Variants in NEGR1 observed in about 807,000 individuals in gnomAD.
The protein encoded by NEGR1 is IgLON family member 4.
Under a neutral mutation model 40.9 loss-of-function variants are expected in NEGR1, and 10 were observed. The observed-to-expected ratio is 0.24, with a 90% confidence interval of 0.15 to 0.42. NEGR1 has a LOEUF of 0.42. NEGR1 is among the 10% of genes least tolerant of loss of function. The pLI is 1.00. For synonymous variants in NEGR1, 185 were observed against 166.8 expected (o/e 1.11, Z -0.84); for missense variants, 352 against 438.9 (o/e 0.80, Z 1.77).
At chr1:71,739,065 C>G (rs1412129495) in intron 3 of NEGR1, among the ~76,000 whole-genome samples, 1 of 151,806 alleles carries the variant, frequency 6.6e-6, no homozygotes, top group Non-Finnish European at 1.5e-5. Context: ...TTGCAATGTT[C>G]CTGGGTGTGT....
chr1:71,857,747 A>C (rs1330936009), intron 2 of NEGR1, among the ~76,000 whole-genome samples: 1 of 150,440 alleles, frequency 6.6e-6, no homozygotes, highest in Admixed American at 6.7e-5. Context: ...TGGTGCTTTT[A>C]TTATCTTTTG....
intron 3 of NEGR1, among the ~76,000 whole-genome samples, chr1:71,749,419 C>T (rs1655495573): frequency 6.6e-6 from 1 of 152,160 alleles, no homozygotes; most frequent in Non-Finnish European, 1.5e-5. Context: ...AATATCAGTA[C>T]ATCTTTGTGT....
intron 3 of NEGR1, among the ~76,000 whole-genome samples, chr1:71,746,758 G>A (rs936218453): frequency 2.5e-4 from 37 of 146,760 alleles, no homozygotes; most frequent in South Asian, 1.1e-3. Flanking sequence ...ACACACACGC[G>A]TACACACACA....
chr1:71,872,300 C>T (rs2101834121), intron 2 of NEGR1, among the ~76,000 whole-genome samples: 1 of 152,258 alleles, frequency 6.6e-6, no homozygotes, highest in East Asian at 1.9e-4. Flanking sequence ...AACTAACTTC[C>T]AGTCTTTAGT....
intron 6 of NEGR1, among the ~76,000 whole-genome samples, chr1:71,410,066 G>A (rs1449795142): frequency 1.3e-5 from 2 of 151,962 alleles, no homozygotes; most frequent in African/African-American, 4.8e-5. Flanking sequence ...ACTTAACAAA[G>A]ATATTACCAA....
intron 2 of NEGR1, among the ~76,000 whole-genome samples, chr1:71,869,975 G>C (rs1660230567): frequency 6.6e-6 from 1 of 151,626 alleles, no homozygotes; most frequent in East Asian, 1.9e-4. Context: ...CACCTCCCGG[G>C]TTCATGTGAT....
chr1:71,715,701 G>A (rs114923587), intron 3 of NEGR1, among the ~76,000 whole-genome samples: 2,025 of 152,264 alleles, frequency 0.013, 48 homozygotes, highest in African/African-American at 0.047. Context: ...AGCATAGCAA[G>A]AGTTGCCTTT....
chr1:71,945,554 T>C (rs545747897), intron 1 of NEGR1, among the ~76,000 whole-genome samples: 1 of 152,136 alleles, frequency 6.6e-6, no homozygotes, highest in Non-Finnish European at 1.5e-5. Flanking sequence ...CTAATTGTCA[T>C]ATGTAAAAGT....
chr1:71,638,568 G>A (rs1438081817), intron 4 of NEGR1, among the ~76,000 whole-genome samples: 2 of 152,054 alleles, frequency 1.3e-5, no homozygotes, highest in Non-Finnish European at 2.9e-5. Flanking sequence ...TGTAGTCTAT[G>A]CCAGGAACTA....
At chr1:72,092,019 G>A (rs1264608581) in intron 1 of NEGR1, among the ~76,000 whole-genome samples, 7 of 152,080 alleles carry the variant, frequency 4.6e-5, no homozygotes, top group Non-Finnish European at 1.0e-4. Context: ...ATCACAGTGA[G>A]GGTTAGGGAT....
chr1:72,043,230 G>T (rs1159524201), intron 1 of NEGR1, among the ~76,000 whole-genome samples: 1 of 151,724 alleles, frequency 6.6e-6, no homozygotes, highest in African/African-American at 2.4e-5. Context: ...TCTTCTCACG[G>T]AATTAGTAAT....
chr1:72,042,039 A>T (rs1461648764), intron 1 of NEGR1, among the ~76,000 whole-genome samples: 1 of 149,050 alleles, frequency 6.7e-6, no homozygotes, highest in African/African-American at 2.4e-5. Context: ...ATATATATAT[A>T]TATCTATTTG....
chr1:71,443,575 T>C (rs1646562412), intron 6 of NEGR1, among the ~76,000 whole-genome samples: 1 of 152,218 alleles, frequency 6.6e-6, no homozygotes, highest in Admixed American at 6.5e-5. Context: ...GATGCATGAA[T>C]GAATGAATGG....
At chr1:71,415,157 T>G (rs572800665) in intron 6 of NEGR1, among the ~76,000 whole-genome samples, 3 of 152,098 alleles carry the variant, frequency 2.0e-5, no homozygotes, top group Admixed American at 2.0e-4. Context: ...AAAAAAACAA[T>G]GTCTATCTTC....
At chr1:71,765,561 C>T (rs964321748) in intron 3 of NEGR1, among the ~76,000 whole-genome samples, 1 of 151,950 alleles carries the variant, frequency 6.6e-6, no homozygotes, top group Non-Finnish European at 1.5e-5. Flanking sequence ...ATTACTTTTG[C>T]ACCAATCTAA....
intron 3 of NEGR1, among the ~76,000 whole-genome samples, chr1:71,772,730 C>T (rs2125776): frequency 6.6e-6 from 1 of 151,592 alleles, no homozygotes; most frequent in Non-Finnish European, 1.5e-5. Context: ...AGATAAAAAA[C>T]ACCTAGAGAT....
intron 1 of NEGR1, among the ~76,000 whole-genome samples, chr1:72,241,368 G>T (rs1164769011): frequency 6.6e-6 from 1 of 151,410 alleles, no homozygotes; most frequent in Non-Finnish European, 1.5e-5. Context: ...GTCCACTATA[G>T]TTGCTAACAT....
chr1:72,040,577 CAAAAAAAAA>C (rs5775102), intron 1 of NEGR1, among the ~76,000 whole-genome samples: 6 of 29,704 alleles, frequency 2.0e-4, no homozygotes, highest in Admixed American at 6.3e-4. Context: ...GAGCACTGAC[CAAAAAAAAA>C]AAAAAAAAAA....
At position 71,439,469 on chromosome 1, in the gene NEGR1, C is replaced by T. The variant is rs148602327; in HGVS notation, c.941-31899G>A. Among the ~76,000 whole-genome samples, 256 of 152,246 alleles carry T rather than the reference C, an allele frequency of 1.7e-3. 7 individuals are homozygous for T. In the East Asian group the frequency reaches 0.043, roughly 26 times the overall value. On this transcript the variant is annotated intron_variant, in intron 6 of 6. Coordinates refer to ENST00000357731, the MANE Select transcript of NEGR1 (RefSeq NM_173808.3). Reference sequence around the variant, plus strand: ...CCTCTGCCTTCTGGGATCAAGCAGTCCTCCTACCTTAGCCTCCGGAGTAGC... The same window carrying T: ...CCTCTGCCTTCTGGGATCAAGCAGTTCTCCTACCTTAGCCTCCGGAGTAGC...
Sources: gnomAD v4.1 joint callset for allele counts (sites outside exome capture counted in the v4.1 genomes callset) on GRCh38, gnomAD v4.1.1 for gene constraint, MANE v1.5 for transcripts, NCBI Gene and HGNC (gene_info 2026-07-23, HGNC 2026-07-21) for gene names.